Variants in CORIN observed in about 807,000 individuals in gnomAD.
CORIN encodes the protein atrial natriuretic peptide-converting enzyme.
In CORIN, 117 loss-of-function variants were observed where a neutral mutation model predicts 125.3. That is an observed-to-expected ratio of 0.93 (90% CI 0.80 to 1.09). The LOEUF is 1.09. CORIN is among the 50% of genes least tolerant of loss of function. CORIN has a pLI of 0.00. For synonymous variants in CORIN, 450 were observed against 466.4 expected (o/e 0.96, Z 0.45); for missense variants, 1,253 against 1,306.7 (o/e 0.96, Z 0.63).
intron 12 of CORIN, among the ~76,000 whole-genome samples, chr4:47,658,124 A>G (rs1303384179): frequency 6.6e-6 from 1 of 152,244 alleles, no homozygotes; most frequent in African/African-American, 2.4e-5. Flanking sequence ...CTTCCAAGAT[A>G]CAATGGCTGT....
intron 3 of CORIN, among the ~76,000 whole-genome samples, chr4:47,770,022 T>C (rs982472232): frequency 3.3e-5 from 5 of 152,030 alleles, no homozygotes; most frequent in African/African-American, 1.2e-4. Flanking sequence ...TGGGATTACA[T>C]CAAACTAAAA....
At chr4:47,605,695 G>A (rs1721620719) in intron 19 of CORIN, among the ~76,000 whole-genome samples, 1 of 152,100 alleles carries the variant, frequency 6.6e-6, no homozygotes, top group South Asian at 2.1e-4. Flanking sequence ...TCCTCTGGGA[G>A]CCTTTAAAAT....
chr4:47,832,511 C>A (rs886594381), intron 1 of CORIN, among the ~76,000 whole-genome samples: 2 of 134,708 alleles, frequency 1.5e-5, no homozygotes, highest in African/African-American at 2.8e-5. Context: ...CTGGGATGAT[C>A]TCGGCTCACT....
intron 4 of CORIN, among the ~76,000 whole-genome samples, chr4:47,751,871 C>T (rs1004133801): frequency 6.6e-6 from 1 of 152,138 alleles, no homozygotes; most frequent in Non-Finnish European, 1.5e-5. Context: ...GATAATTTTC[C>T]AGGTATCTTT....
intron 1 of CORIN, among the ~76,000 whole-genome samples, chr4:47,811,264 A>G (rs188506071): frequency 1.7e-4 from 26 of 152,336 alleles, no homozygotes; most frequent in Middle Eastern, 6.8e-3. Flanking sequence ...TCAAGAATGC[A>G]GAGCCTGGAA....
intron 10 of CORIN, among the ~76,000 whole-genome samples, chr4:47,670,748 C>T (rs1426430744): frequency 1.3e-5 from 2 of 152,072 alleles, no homozygotes; most frequent in East Asian, 3.9e-4. Context: ...TTGCATACCA[C>T]AAGGGAGAAG....
chr4:47,790,430 G>T (rs919728448), intron 2 of CORIN, among the ~76,000 whole-genome samples: 1 of 152,124 alleles, frequency 6.6e-6, no homozygotes, highest in Non-Finnish European at 1.5e-5. Context: ...TAGCAGGACT[G>T]TCATTTTGCT....
chr4:47,827,989 C>T (rs1404252266), intron 1 of CORIN, among the ~76,000 whole-genome samples: 1 of 152,152 alleles, frequency 6.6e-6, no homozygotes, highest in Admixed American at 6.5e-5. Context: ...AAACTGCCTC[C>T]CAGCTTTCCT....
chr4:47,659,204 A>G lies in CORIN; in HGVS notation c.1735+2507T>C, dbSNP rs539997460. Among the ~76,000 whole-genome samples, 25 of 152,202 alleles carry G rather than the reference A, an allele frequency of 1.6e-4. No homozygotes were observed. The South Asian group carries it at 5.0e-3, about 30-fold the overall frequency. On this transcript the variant is annotated intron_variant, in intron 12 of 21. Coordinates refer to ENST00000273857, the MANE Select transcript of CORIN (RefSeq NM_006587.4). Reference sequence around the variant, plus strand: ...ATTTTGGGTCACAATCACTTAACCAATTTTTAAGAAGTTCCAAACTTTCCC... The same window carrying G: ...ATTTTGGGTCACAATCACTTAACCAGTTTTTAAGAAGTTCCAAACTTTCCC...
At chr4:47,634,614 A>G (rs1353764925) in intron 16 of CORIN, among the ~76,000 whole-genome samples, 4 of 152,222 alleles carry the variant, frequency 2.6e-5, no homozygotes, top group Non-Finnish European at 5.9e-5. Context: ...AGCCTGGGTG[A>G]CAAAAGCGAA....
At chr4:47,600,864 C>T (rs1222566930) in intron 20 of CORIN, among the ~76,000 whole-genome samples, 1 of 152,154 alleles carries the variant, frequency 6.6e-6, no homozygotes, top group African/African-American at 2.4e-5. Context: ...AACCTCTAAT[C>T]CTAGAGGATA....
rs747912392 is a variant in CORIN at position 47,806,919 on chromosome 4, G to A, written c.192C>T (p.Ile64=). The A allele has an allele frequency of 7.4e-6, 12 of 1,612,520 alleles. No individual in the cohort carries two copies. In the African/African-American group the frequency reaches 1.2e-4, roughly 16 times the overall value. Residue 64 remains isoleucine (I), a synonymous_variant, in exon 2 of 22, where the codon ATC becomes ATT. Transcript: ENST00000273857. ...CTCACCCACCAACATAGGAAAGCAGGATCACCAGCAAGAGAACGAGAGCAC... is the reference window on the plus strand; with the variant it reads ...CTCACCCACCAACATAGGAAAGCAGAATCACCAGCAAGAGAACGAGAGCAC... ...CICALVLLLV[I]LLSYVGTLQK...
At chr4:47,827,284 A>G (rs1014327540) in intron 1 of CORIN, among the ~76,000 whole-genome samples, 4 of 152,222 alleles carry the variant, frequency 2.6e-5, no homozygotes, top group African/African-American at 7.2e-5. Context: ...GAGATATTTT[A>G]TTAGGGATAT....
At chr4:47,688,320 C>T (rs904620449) in intron 6 of CORIN, among the ~76,000 whole-genome samples, 2 of 152,108 alleles carry the variant, frequency 1.3e-5, no homozygotes, top group African/African-American at 2.4e-5. Flanking sequence ...CATATTTAGG[C>T]TGGGCACAGT....
chr4:47,807,353 A>G (rs1468848227), intron 1 of CORIN, among the ~76,000 whole-genome samples: 2 of 152,222 alleles, frequency 1.3e-5, no homozygotes, highest in African/African-American at 4.8e-5. Context: ...CCAAAGGGCT[A>G]TGAATGACCA....
chr4:47,661,964 G>A, intron 11 of CORIN, 108 bp from the exon 12 acceptor site: 8 of 1,093,354 alleles, frequency 7.3e-6, no homozygotes, highest in Non-Finnish European at 1.0e-5. Flanking sequence ...CATGTATTGT[G>A]GGTGTGTGGA....
chr4:47,741,553 TG>T (rs1728397798), intron 5 of CORIN, among the ~76,000 whole-genome samples: 1 of 152,040 alleles, frequency 6.6e-6, no homozygotes, highest in Admixed American at 6.6e-5. Flanking sequence ...GGTATATAGC[TG>T]AGAGAATTAA....
intron 12 of CORIN, among the ~76,000 whole-genome samples, chr4:47,658,859 C>T (rs916973132): frequency 2.3e-4 from 35 of 152,360 alleles, no homozygotes; most frequent in Non-Finnish European, 1.9e-4. Flanking sequence ...AAATTTTCCA[C>T]ACTTTTATGC....
chr4:47,805,292 G>A (rs1366792953), intron 2 of CORIN, among the ~76,000 whole-genome samples: 1 of 151,960 alleles, frequency 6.6e-6, no homozygotes, highest in Non-Finnish European at 1.5e-5. Flanking sequence ...TTACATGCCT[G>A]TAGGAAAGTA....
Sources: allele counts gnomAD v4.1 joint callset (sites outside exome capture counted in the v4.1 genomes callset), GRCh38; gene constraint gnomAD v4.1.1; transcripts MANE v1.5; gene names NCBI Gene and HGNC (gene_info 2026-07-23, HGNC 2026-07-21).